Variants in ISY1 observed in about 807,000 individuals in gnomAD.
The protein encoded by ISY1 is ISY1 spliceosome associated protein, also known as pre-mRNA-splicing factor ISY1 homolog.
A neutral mutation model predicts 54.4 loss-of-function variants in ISY1; 12 were observed. The ratio of observed to expected loss-of-function variants is 0.22; its 90% CI spans 0.14 to 0.36. ISY1 has a LOEUF of 0.36. Ranked by LOEUF, ISY1 falls within the 10% of genes least tolerant of loss-of-function variation. The probability of loss-of-function intolerance (pLI) is 1.00; values close to 1 mark genes in which losing one functional copy is unlikely to be tolerated. For missense variants in ISY1, 282 were observed against 342.2 expected, an observed-to-expected ratio of 0.82 and a Z score of 1.39; for synonymous variants, 96 against 117.9, an observed-to-expected ratio of 0.81 and a Z score of 1.20.
rs1464811763 is a variant in ISY1, at chr3:129,127,467, G to C, written c.*2614C>G. On this transcript the variant is annotated 3_prime_UTR_variant, in exon 11 of 11. Transcript: ENST00000393295. ...TAACCAAACAAAGCCTCCTGAGATT[G>C]GTTCTGTCACCTCGGAGCCACAAGC... The C allele has an allele frequency of 6.6e-6, 1 of 152,190 alleles. No homozygotes were observed. Among genetic ancestry groups the C allele is most frequent in the Admixed American group, 6.5e-5 (1 of 15,276 alleles). The allele number at this position is 152,190 out of a possible 1,614,324, so 9.4% of individuals were successfully genotyped here.
chr3:129,148,317 G>A (rs571744621), intron 5 of ISY1, among the ~76,000 whole-genome samples: 1 of 152,238 alleles, frequency 6.6e-6, no homozygotes, highest in African/African-American at 2.4e-5. Flanking sequence ...TGGAATTGAT[G>A]GATCATAGGT....
rs1371160695 is a variant in ISY1 at position 129,127,837 on chromosome 3, T to G, written c.*2244A>C. ...AGAGCCCTGGCTCTCAAGACAGGCCTGGCTCCAAGCACCTGCCATCCTTCC... is the reference window on the plus strand; with the variant it reads ...AGAGCCCTGGCTCTCAAGACAGGCCGGGCTCCAAGCACCTGCCATCCTTCC... On this transcript the variant is annotated 3_prime_UTR_variant, in exon 11 of 11. Transcript: ENST00000393295. 3.3e-5 allele frequency: 5 copies of G among 152,278 alleles called. No homozygotes were observed. Among genetic ancestry groups the G allele is most frequent in the Admixed American group, 6.5e-5 (1 of 15,282 alleles). The allele number at this position is 152,278 out of a possible 1,614,324, so 9.4% of individuals were successfully genotyped here. A position where few individuals can be genotyped will look rare whatever the true frequency, so the allele number is the denominator to read the frequency against.
intron 6 of ISY1, among the ~76,000 whole-genome samples, chr3:129,144,989 C>A (rs568571254): frequency 1.3e-4 from 20 of 152,276 alleles, no homozygotes; most frequent in Non-Finnish European, 2.9e-4. Context: ...CAGCTCACTG[C>A]AGCCTCCACC....
At chr3:129,149,614 T>A (rs1180078749) in intron 5 of ISY1, among the ~76,000 whole-genome samples, 64 of 59,356 alleles carry the variant, frequency 1.1e-3, no homozygotes, top group East Asian at 5.4e-3. Context: ...AAAAAAAATA[T>A]ATATATATAT....
intron 6 of ISY1, among the ~76,000 whole-genome samples, chr3:129,141,987 C>G (rs1936630759): frequency 6.6e-6 from 1 of 151,712 alleles, no homozygotes; most frequent in East Asian, 1.9e-4. Flanking sequence ...GGAAGATCAC[C>G]TGAGGTCAGG....
At chr3:129,137,563 T>G (rs1425828610) in intron 7 of ISY1, among the ~76,000 whole-genome samples, 2 of 151,920 alleles carry the variant, frequency 1.3e-5, no homozygotes, top group Admixed American at 1.3e-4. Flanking sequence ...CCAGGCGAGG[T>G]GGCTCACTCC....
At chr3:129,149,610 A>AAAAAATATATATATAT (rs1936884507) in intron 5 of ISY1, among the ~76,000 whole-genome samples, 1 of 24,628 alleles carries the variant, frequency 4.1e-5, no homozygotes, top group African/African-American at 1.2e-4. Context: ...AAAAAAAAAA[A>AAAAAATATATATATAT]ATATATATAT....
chr3:129,159,236 C>A (rs1409039045), intron 1 of ISY1, 60 bp from the exon 2 acceptor site: 1 of 1,575,830 alleles, frequency 6.3e-7, no homozygotes, highest in South Asian at 1.2e-5. Context: ...TTTTCTTGCC[C>A]TTTACTTTTT....
chr3:129,152,343 T>C (rs1051940651), intron 5 of ISY1, among the ~76,000 whole-genome samples: 1 of 152,224 alleles, frequency 6.6e-6, no homozygotes, highest in Non-Finnish European at 1.5e-5. Context: ...CTGAATCTAC[T>C]ATGTTTTTCC....
rs908448973 is a variant in ISY1, at chr3:129,134,082, C to T, written c.655G>A (p.Glu219Lys). The T allele has an allele frequency of 5.0e-6, 8 of 1,614,064 alleles. No individual in the cohort carries two copies. The highest frequency in any genetic ancestry group is 2.2e-5 in the East Asian group (1 of 44,892). Reference protein sequence around the residue: ...EEEINIYAVTEEESDEEGSQE... With the variant: ...EEEINIYAVTKEESDEEGSQE... The stretch of plus-strand genomic sequence containing the variant: ...GGGGCCAACCCCAATACCTCCTCCT[C>T]GGTGACTGCATAGATGTTGATCTCT... Residue 219 changes from glutamate (E) to lysine (K), a missense_variant, in exon 9 of 11, where the codon GAG (glutamate) becomes AAG (lysine). Around this residue, in one of 2 missense-constraint regions of ISY1, gnomAD observed 279 missense variants for 323.6 expected, o/e 0.86. Transcript: ENST00000393295.
rs760994546 is a variant in ISY1 at position 129,159,155 on chromosome 3, T to C, written c.25A>G (p.Met9Val). The change falls in exon 2 of 11, where the codon ATG becomes GTG. Residue 9 changes from methionine (M) to valine (V), a missense_variant and splice_region_variant. Transcript: ENST00000393295. MARNAEKA[M>V]TALARFRQAQ... ...AGCCAAAAACAAGTTGATACTTACA[T>C]GGCCTTTTCTGCATTTCGGGCCTGG... is the stretch of plus-strand genomic sequence containing the variant. 1.9e-6 allele frequency: 3 copies of C among 1,606,270 alleles called. No individual in the cohort carries two copies. Among genetic ancestry groups the C allele is most frequent in the African/African-American group, 2.7e-5 (2 of 74,396 alleles).
intron 5 of ISY1, among the ~76,000 whole-genome samples, chr3:129,149,089 C>T (rs932906704): frequency 2.0e-5 from 3 of 152,148 alleles, no homozygotes; most frequent in South Asian, 2.1e-4. Context: ...CTGCTCAAGT[C>T]CAGCCTGGGC....
chr3:129,132,057 T>C (rs933443369), intron 9 of ISY1, among the ~76,000 whole-genome samples: 1 of 152,110 alleles, frequency 6.6e-6, no homozygotes, highest in African/African-American at 2.4e-5. Flanking sequence ...CTTGAACTCC[T>C]GAGTTCAAGC....
intron 5 of ISY1, 105 bp downstream of exon 5, chr3:129,156,528 T>G (rs1937146377): frequency 8.3e-7 from 1 of 1,207,478 alleles, no homozygotes; most frequent in African/African-American, 1.5e-5. Flanking sequence ...CCTTACTGAT[T>G]TACTATCTAC....
At chr3:129,133,054 G>A (rs976316681) in intron 9 of ISY1, among the ~76,000 whole-genome samples, 4 of 152,186 alleles carry the variant, frequency 2.6e-5, no homozygotes, top group Non-Finnish European at 5.9e-5. Flanking sequence ...TGTGCAGGCA[G>A]CAAGGACTCC....
chr3:129,135,183 C>G (rs755463187), intron 7 of ISY1, among the ~76,000 whole-genome samples: 2 of 152,108 alleles, frequency 1.3e-5, no homozygotes. Flanking sequence ...CTCGTCTCTA[C>G]TAAAAATACA....
chr3:129,151,945 G>C (rs1218000712), intron 5 of ISY1, among the ~76,000 whole-genome samples: 1 of 152,112 alleles, frequency 6.6e-6, no homozygotes, highest in East Asian at 1.9e-4. Flanking sequence ...GATCACCTGA[G>C]GTTGGGAATT....
At chr3:129,134,679 G>C (rs949313688) in intron 8 of ISY1, 153 bp downstream of exon 8, 2 of 1,113,384 alleles carry the variant, frequency 1.8e-6, no homozygotes, top group Admixed American at 6.0e-5. Context: ...TGCCTCACAG[G>C]GGTCAGGGAA....
chr3:129,150,585 C>T (rs1403644198), intron 5 of ISY1, among the ~76,000 whole-genome samples: 5 of 151,850 alleles, frequency 3.3e-5, no homozygotes, highest in South Asian at 4.2e-4. Context: ...TGGTGGTGGG[C>T]GCCTGTAGTC....
Sources: allele counts gnomAD v4.1 joint callset (sites outside exome capture counted in the v4.1 genomes callset), GRCh38; gene constraint gnomAD v4.1.1; regional missense constraint gnomAD v4.1.1; transcripts MANE v1.5; gene names NCBI Gene and HGNC (gene_info 2026-07-23, HGNC 2026-07-21).